KCNT2: variants seen among roughly 807,000 people sequenced by gnomAD.
KCNT2 encodes the protein potassium sodium-activated channel subfamily T member 2, also known as potassium channel subfamily T member 2.
KCNT2 carries 67 observed loss-of-function variants against 153.8 expected under a neutral mutation model. The ratio of observed to expected loss-of-function variants is 0.44; its 90% CI spans 0.36 to 0.53. KCNT2 has a LOEUF of 0.53. Among genes scored for constraint, KCNT2 ranks in the 20% least tolerant of loss-of-function variants. KCNT2 has a pLI of 0.00. For synonymous variants in KCNT2, 500 were observed against 458.8 expected (o/e 1.09, Z -1.15); for missense variants, 975 against 1,354.8 (o/e 0.72, Z 4.40).
intron 22 of KCNT2, among the ~76,000 whole-genome samples, chr1:196,288,809 T>C (rs1280072213): frequency 1.3e-5 from 2 of 152,040 alleles, no homozygotes; most frequent in East Asian, 3.9e-4. Context: ...GGACTTGGGT[T>C]TTGATGCCAG....
chr1:196,398,534 A>G, intron 13 of KCNT2, 29 bp downstream of exon 13: 3 of 1,262,222 alleles, frequency 2.4e-6, no homozygotes, highest in Non-Finnish European at 3.5e-6. Flanking sequence ...CAGGAAATTC[A>G]ATGGATCTCA....
chr1:196,286,617 T>TCACA (rs548240607), intron 22 of KCNT2, among the ~76,000 whole-genome samples: 2,903 of 143,242 alleles, frequency 0.02, 83 homozygotes, highest in African/African-American at 0.076. Flanking sequence ...CTTCTGTATA[T>TCACA]CACACACACA....
At chr1:196,261,492 A>G (rs1657022435) in intron 25 of KCNT2, among the ~76,000 whole-genome samples, 1 of 151,908 alleles carries the variant, frequency 6.6e-6, no homozygotes, top group Non-Finnish European at 1.5e-5. Flanking sequence ...ATGGCTTATG[A>G]CCTTGTATAA....
intron 1 of KCNT2, among the ~76,000 whole-genome samples, chr1:196,564,740 C>T (rs533127501): frequency 6.6e-6 from 1 of 151,920 alleles, no homozygotes; most frequent in Non-Finnish European, 1.5e-5. Flanking sequence ...CAAGGACACA[C>T]AATGGAGAAA....
At chr1:196,563,046 A>C (rs910244459) in intron 1 of KCNT2, among the ~76,000 whole-genome samples, 1 of 151,952 alleles carries the variant, frequency 6.6e-6, no homozygotes, top group Non-Finnish European at 1.5e-5. Flanking sequence ...TGAGCACTAC[A>C]TGTAAGAATA....
At chr1:196,258,133 T>C in intron 26 of KCNT2, 61 bp downstream of exon 26, 3 of 1,555,812 alleles carry the variant, frequency 1.9e-6, no homozygotes, top group Middle Eastern at 3.5e-4. Context: ...GAACCAACTA[T>C]ATTACTACTA....
rs767038233 is a variant in KCNT2 at position 196,425,994 on chromosome 1, CA to C, written c.985-7del. The stretch of plus-strand genomic sequence containing the variant: ...AAAATCACCACATAATAATCCTATT[CA>C]AAACAAAATGGGCAATGGAATAGAA... On this transcript the variant is annotated splice_region_variant and splice_polypyrimidine_tract_variant and intron_variant, in intron 10 of 27. Coordinates refer to ENST00000294725, the MANE Select transcript of KCNT2 (RefSeq NM_198503.5). 1.1e-5 allele frequency: 17 copies of C among 1,609,822 alleles called. No homozygotes were observed. Among genetic ancestry groups the C allele is most frequent in the Non-Finnish European group, 1.4e-5 (16 of 1,177,636 alleles).
intron 1 of KCNT2, among the ~76,000 whole-genome samples, chr1:196,496,359 T>C (rs1680253842): frequency 6.6e-6 from 1 of 151,592 alleles, no homozygotes; most frequent in Non-Finnish European, 1.5e-5. Context: ...TCCCAGCTAC[T>C]CTGGAGGCTG....
chr1:196,550,455 G>T (rs1375869872), intron 1 of KCNT2, among the ~76,000 whole-genome samples: 5 of 151,822 alleles, frequency 3.3e-5, no homozygotes, highest in Non-Finnish European at 7.4e-5. Flanking sequence ...TAAATTTTTA[G>T]ATTGCATTTA....
intron 25 of KCNT2, among the ~76,000 whole-genome samples, chr1:196,273,053 C>G (rs1658217592): frequency 6.6e-6 from 1 of 151,760 alleles, no homozygotes; most frequent in Non-Finnish European, 1.5e-5. Flanking sequence ...AAATCTATAA[C>G]CTTTTATGTC....
At chr1:196,331,009 A>G in intron 18 of KCNT2, 147 bp downstream of exon 18, 1 of 566,686 alleles carries the variant, frequency 1.8e-6, no homozygotes, top group South Asian at 2.1e-5. Flanking sequence ...AAAACTGACC[A>G]CTTTATATAA....
chr1:196,587,453 C>A (rs1182545750), intron 1 of KCNT2, among the ~76,000 whole-genome samples: 1 of 151,970 alleles, frequency 6.6e-6, no homozygotes, highest in East Asian at 1.9e-4. Flanking sequence ...ATTAAAGAAG[C>A]ATATGACTTT....
chr1:196,282,363 T>C lies in KCNT2; in HGVS notation c.2698-7A>G, dbSNP rs529333917. On this transcript the variant is annotated splice_polypyrimidine_tract_variant and splice_region_variant and intron_variant, in intron 23 of 27. Transcript: ENST00000294725. ...TATAATCCTTCACAAATGACTGCAA[T>C]ATAAACAAACAAACAATATATAAAT... 1.7e-5 allele frequency: 25 copies of C among 1,441,970 alleles called. No homozygotes were observed. In the South Asian group the frequency reaches 2.4e-4, roughly 14 times the overall value. The allele number at this position is 1,441,970 out of a possible 1,614,324, so 89.3% of individuals were successfully genotyped here. A position where few individuals can be genotyped will look rare whatever the true frequency, so the allele number is the denominator to read the frequency against.
intron 13 of KCNT2, among the ~76,000 whole-genome samples, chr1:196,375,215 T>C (rs1266189401): frequency 1.3e-5 from 2 of 149,330 alleles, no homozygotes; most frequent in African/African-American, 2.5e-5. Context: ...TCAGAGAAAA[T>C]TAGAAGGAAG....
chr1:196,582,104 A>C (rs929531854), intron 1 of KCNT2, among the ~76,000 whole-genome samples: 1 of 152,066 alleles, frequency 6.6e-6, no homozygotes, highest in African/African-American at 2.4e-5. Flanking sequence ...CTTTTTTAGG[A>C]AAATCAACAA....
chr1:196,575,311 TA>T (rs1190018359), intron 1 of KCNT2, among the ~76,000 whole-genome samples: 4 of 152,254 alleles, frequency 2.6e-5, no homozygotes, highest in Non-Finnish European at 5.9e-5. Context: ...GTATCTATAT[TA>T]TTTTTTTCAT....
intron 27 of KCNT2, among the ~76,000 whole-genome samples, chr1:196,233,101 T>G (rs1024567221): frequency 6.6e-6 from 1 of 151,424 alleles, no homozygotes; most frequent in Non-Finnish European, 1.5e-5. Context: ...CATAATATAC[T>G]ATGTGAAGGG....
At chr1:196,458,301 C>A (rs1038592635) in intron 8 of KCNT2, among the ~76,000 whole-genome samples, 1 of 151,568 alleles carries the variant, frequency 6.6e-6, no homozygotes, top group Non-Finnish European at 1.5e-5. Flanking sequence ...TTAATTATTT[C>A]TTTTATAAAA....
In KCNT2 at chr1:196,540,733, C is replaced by T. The variant is rs114196064; in HGVS notation, c.96-48392G>A. Among the ~76,000 whole-genome samples the T allele has an allele frequency of 5.1e-3, 784 of 152,258 alleles. 7 individuals carry two copies. The highest frequency in any genetic ancestry group is 0.02 in the Middle Eastern group (6 of 294). ...TAACCTTGAAAATATGTCTAATCCC[C>T]TCTCTTTCTCATTATTTCAGCTATG... On this transcript the variant is annotated intron_variant, in intron 1 of 27. Coordinates refer to ENST00000294725, the MANE Select transcript of KCNT2 (RefSeq NM_198503.5).
Sources: allele counts gnomAD v4.1 joint callset (sites outside exome capture counted in the v4.1 genomes callset), GRCh38; gene constraint gnomAD v4.1.1; transcripts MANE v1.5; gene names NCBI Gene and HGNC (gene_info 2026-07-23, HGNC 2026-07-21).